Variants in EML6 observed in about 807,000 individuals in gnomAD.
EML6 encodes the protein echinoderm microtubule-associated protein-like 6.
EML6 carries 154 observed loss-of-function variants against 240.1 expected under a neutral mutation model. The observed-to-expected ratio is 0.64, with a 90% CI of 0.56 to 0.73. The LOEUF is 0.73. EML6 is among the 30% of genes least tolerant of loss of function. The pLI is 0.00. For synonymous variants in EML6, 1,148 were observed against 899.0 expected (o/e 1.28, Z -4.95); for missense variants, 2,964 against 2,474.6 (o/e 1.20, Z -4.20).
intron 35 of EML6, among the ~76,000 whole-genome samples, chr2:54,961,162 G>C (rs571617433): frequency 6.3e-4 from 47 of 74,538 alleles, no homozygotes; most frequent in Non-Finnish European, 1.2e-3. Context: ...TATGCCTGGA[G>C]CCTGGAAGTT....
Position 54,806,612 on chromosome 2 carries a change from C to CAAAAAAAAAAAAAAAAAA in EML6, c.198-6605_198-6588dup. Among the ~76,000 whole-genome samples, 72 of 52,868 alleles carry CAAAAAAAAAAAAAAAAAA rather than the reference C, an allele frequency of 1.4e-3. 1 individual carries two copies. The highest frequency in any genetic ancestry group is 6.9e-3 in the East Asian group (13 of 1,882). The allele number at this position is 52,868 out of a possible 152,430, so 34.7% of individuals were successfully genotyped here. A position where few individuals can be genotyped will look rare whatever the true frequency, so the allele number is the denominator to read the frequency against. ...TGGGCAACAAGAGTGACTCCGTCTC[C>CAAAAAAAAAAAAAAAAAA]AAAAAAAAAAAAAAAAAAAAAAAAA... On this transcript the variant is annotated intron_variant, in intron 2 of 41. Transcript: ENST00000356458.
chr2:54,857,732 G>C (rs894778438), intron 11 of EML6, among the ~76,000 whole-genome samples: 2 of 152,162 alleles, frequency 1.3e-5, no homozygotes, highest in African/African-American at 2.4e-5. Flanking sequence ...CAGCTGTTCA[G>C]ATATCTAGGG....
intron 2 of EML6, among the ~76,000 whole-genome samples, chr2:54,737,597 T>C (rs1057121576): frequency 6.6e-6 from 1 of 152,230 alleles, no homozygotes; most frequent in African/African-American, 2.4e-5. Context: ...TCTCCTTTTC[T>C]CTTCATGCCA....
intron 3 of EML6, among the ~76,000 whole-genome samples, chr2:54,815,521 A>C (rs958718325): frequency 3.3e-5 from 5 of 152,226 alleles, no homozygotes; most frequent in African/African-American, 1.2e-4. Context: ...TGTGGGTTTT[A>C]CTTCAGTGCC....
intron 7 of EML6, among the ~76,000 whole-genome samples, chr2:54,832,592 C>A (rs1259792918): frequency 1.3e-5 from 2 of 152,168 alleles, no homozygotes; most frequent in South Asian, 4.1e-4. Context: ...AGCTTTCTGG[C>A]GTAGCTCCCC....
At chr2:54,949,954 T>C (rs1404941860) in intron 29 of EML6, among the ~76,000 whole-genome samples, 1 of 152,222 alleles carries the variant, frequency 6.6e-6, no homozygotes, top group African/African-American at 2.4e-5. Flanking sequence ...TTCCTGATGC[T>C]TCTCACCCTA....
intron 19 of EML6, among the ~76,000 whole-genome samples, chr2:54,893,878 T>C (rs1672613938): frequency 6.6e-6 from 1 of 152,172 alleles, no homozygotes; most frequent in Non-Finnish European, 1.5e-5. Context: ...ACATATGTTT[T>C]TGGTTAAACT....
intron 28 of EML6, among the ~76,000 whole-genome samples, chr2:54,930,654 T>C (rs1674806105): frequency 6.6e-6 from 1 of 152,156 alleles, no homozygotes; most frequent in Non-Finnish European, 1.5e-5. Flanking sequence ...GTATAGGGTC[T>C]GGAGGAGTAA....
chr2:54,876,757 G>A lies in EML6; in HGVS notation c.2345-2790G>A, dbSNP rs969701497. 3.3e-5 allele frequency among the ~76,000 whole-genome samples: 5 copies of A among 152,122 alleles called. No individual in the cohort carries two copies. The East Asian group carries it at 5.8e-4, about 18-fold the overall frequency. ...TTACAGGGTAGAATGTGACATTTCA[G>A]TACATGTATATATTGTGTAAGGATC... is the stretch of plus-strand genomic sequence containing the variant. On this transcript the variant is annotated intron_variant, in intron 16 of 41. Coordinates refer to ENST00000356458, the MANE Select transcript of EML6 (RefSeq NM_001039753.4).
At chr2:54,806,206 C>T (rs1270757574) in intron 2 of EML6, among the ~76,000 whole-genome samples, 1 of 152,082 alleles carries the variant, frequency 6.6e-6, no homozygotes, top group Non-Finnish European at 1.5e-5. Context: ...GATAACTGAT[C>T]TTGTCCATTC....
intron 2 of EML6, among the ~76,000 whole-genome samples, chr2:54,794,132 C>T (rs1669626850): frequency 6.6e-6 from 1 of 152,128 alleles, no homozygotes; most frequent in Admixed American, 6.5e-5. Context: ...GTGTTATTAT[C>T]CCCATTTCGG....
At chr2:54,857,265 G>A (rs1249533630) in intron 11 of EML6, among the ~76,000 whole-genome samples, 1 of 152,140 alleles carries the variant, frequency 6.6e-6, no homozygotes, top group Non-Finnish European at 1.5e-5. Flanking sequence ...ATGTGCACTT[G>A]GCAGTCACGT....
intron 26 of EML6, among the ~76,000 whole-genome samples, chr2:54,917,931 G>A (rs1039018643): frequency 1.3e-5 from 2 of 152,200 alleles, no homozygotes; most frequent in African/African-American, 2.4e-5. Context: ...GATCAGGTCA[G>A]AGCACAGTGG....
intron 2 of EML6, among the ~76,000 whole-genome samples, chr2:54,728,750 C>T (rs533480249): frequency 6.6e-6 from 1 of 152,302 alleles, no homozygotes; most frequent in Admixed American, 6.5e-5. Context: ...CACACACACA[C>T]CCCCAGAACA....
At chr2:54,781,644 T>C (rs1414569635) in intron 2 of EML6, among the ~76,000 whole-genome samples, 1 of 152,156 alleles carries the variant, frequency 6.6e-6, no homozygotes, top group East Asian at 1.9e-4. Flanking sequence ...AGCATGAATT[T>C]ACAAGTATAA....
intron 8 of EML6, 110 bp downstream of exon 8, chr2:54,844,358 A>T (rs1260981507): frequency 1.2e-6 from 1 of 828,222 alleles, no homozygotes; most frequent in Non-Finnish European, 1.9e-6. Context: ...ACAGTTTCCA[A>T]ATGAAACGTT....
intron 2 of EML6, among the ~76,000 whole-genome samples, chr2:54,758,855 A>G (rs1202287087): frequency 6.6e-6 from 1 of 152,216 alleles, no homozygotes; most frequent in African/African-American, 2.4e-5. Flanking sequence ...ATTCCAGGTG[A>G]CACTCCTTCA....
intron 24 of EML6, among the ~76,000 whole-genome samples, chr2:54,909,271 T>C (rs1274423125): frequency 6.6e-6 from 1 of 152,224 alleles, no homozygotes; most frequent in South Asian, 2.1e-4. Flanking sequence ...TGTATTTAGT[T>C]CATCGGAAAA....
intron 16 of EML6, among the ~76,000 whole-genome samples, chr2:54,876,586 C>G (rs1671519115): frequency 1.3e-5 from 2 of 152,064 alleles, no homozygotes; most frequent in Admixed American, 1.3e-4. Flanking sequence ...GCTTGCATTC[C>G]AAGAAGAACA....
Sources: allele counts gnomAD v4.1 joint callset (sites outside exome capture counted in the v4.1 genomes callset), GRCh38; gene constraint gnomAD v4.1.1; transcripts MANE v1.5; gene names NCBI Gene and HGNC (gene_info 2026-07-23, HGNC 2026-07-21).